MAP1A: variants seen among roughly 807,000 people sequenced by gnomAD.
The protein encoded by MAP1A is microtubule associated protein 1A.
In MAP1A, 42 loss-of-function variants were observed where a neutral mutation model predicts 185.9. The observed-to-expected ratio is 0.23, with a 90% confidence interval of 0.18 to 0.29. The LOEUF (loss-of-function observed/expected upper bound fraction) is 0.29. MAP1A is among the 10% of genes least tolerant of loss of function. The pLI is 1.00. For missense variants in MAP1A, 2,995 were observed against 3,450.4 expected (o/e 0.87, Z 3.31); for synonymous variants, 1,229 against 1,335.9 (o/e 0.92, Z 1.74).
chr15:43,524,296 A>C lies in MAP1A; in HGVS notation c.2823A>C (p.Glu941Asp). 1 of 1,614,230 alleles carries C rather than the reference A, an allele frequency of 6.2e-7. No individual in the cohort carries two copies. The highest frequency in any genetic ancestry group is 8.5e-7 in the Non-Finnish European group (1 of 1,180,034). ...CTGGAGAGAGAGCTGTGGAAGAGGA[A>C]GAGGAGGAGACAGCAAACGTAGAGA... ...GLSGERAVEE[E>D]EEETANVEMS... The change falls in exon 4 of 6, where the codon GAA (glutamate) becomes GAC (aspartate). Residue 941 changes from glutamate to aspartate, a missense_variant. Transcript: ENST00000300231.
chr15:43,520,584 C>T (rs2079315253), intron 1 of MAP1A, 57 bp from the exon 2 acceptor site: 2 of 1,149,980 alleles, frequency 1.7e-6, no homozygotes, highest in Non-Finnish European at 2.5e-6. Context: ...TCTTTCCTCT[C>T]CTGCACCACA....
At chr15:43,517,137 C>T (rs1394817668), upstream of MAP1A, among the ~76,000 whole-genome samples, 1 of 152,134 alleles carries the variant, frequency 6.6e-6, no homozygotes, top group Non-Finnish European at 1.5e-5. Flanking sequence ...TCTGCATCCC[C>T]AACCTTTGTC....
chr15:43,520,531 G>A, intron 1 of MAP1A, 110 bp from the exon 2 acceptor site: 1 of 760,338 alleles, frequency 1.3e-6, no homozygotes, highest in Non-Finnish European at 2.2e-6. Context: ...AGGGCCTAAG[G>A]ATACCTTCTC....
rs1018856608 is a variant in MAP1A at position 43,511,214 on chromosome 15, C to T, written c.226C>T (p.His76Tyr). The stretch of plus-strand genomic sequence containing the variant: ...GAGTCAGCTGAGGGCCGTGCGGGCC[C>T]ACCTTGAACAAGGTGAGCCACTGTT... Residue 76 changes from histidine to tyrosine, a missense_variant, in exon 1 of 7, where the codon CAC (histidine) becomes TAC (tyrosine). By Grantham distance (83) the His-to-Tyr change is moderately conservative (BLOSUM62 2). Coordinates refer to the MAP1A transcript ENST00000382031. 3.9e-6 allele frequency: 6 copies of T among 1,550,320 alleles called. No homozygotes were observed. In the East Asian group the frequency reaches 7.3e-5, roughly 19 times the overall value.
At position 43,522,325 on chromosome 15, in the gene MAP1A, G is replaced by T. The variant is rs1232131713; in HGVS notation, c.852G>T (p.Arg284=). 1 of 1,614,032 alleles carries T rather than the reference G, an allele frequency of 6.2e-7. No homozygotes were observed. The highest frequency in any genetic ancestry group is 8.5e-7 in the Non-Finnish European group (1 of 1,180,044). ...NKILEGLEKL[R]HLDFLRYPVA... ...TCTTGGAGGGCCTAGAAAAGCTTCG[G>T]CATCTGGACTTCCTGCGTTACCCTG... The change falls in exon 4 of 6, where the codon CGG becomes CGT. Residue 284 remains arginine (R), a synonymous_variant. Transcript: ENST00000300231. The surrounding 1 kb of genome is among the most constrained non-coding windows in gnomAD (Gnocchi z 5.9).
chr15:43,524,498 C>T lies in MAP1A; in HGVS notation c.3025C>T (p.Pro1009Ser). 1 of 1,614,176 alleles carries T rather than the reference C, an allele frequency of 6.2e-7. No homozygotes were observed. Among genetic ancestry groups the T allele is most frequent in the Non-Finnish European group, 8.5e-7 (1 of 1,180,034 alleles). ...TGGCCCACCCAGTGCCACCCACACA[C>T]CCTTTCATCAGTCCCCAGTGGAAGA... is the stretch of plus-strand genomic sequence containing the variant. ...PSGPPSATHT[P>S]FHQSPVEEKS... The change falls in exon 4 of 6, where the codon CCC becomes TCC. Residue 1009 changes from proline (P) to serine (S), a missense_variant. Pro to Ser is a moderately conservative substitution (Grantham distance 74). Coordinates refer to ENST00000300231, the MANE Select transcript of MAP1A (RefSeq NM_002373.6).
Position 43,530,775 on chromosome 15 carries a change from G to A in MAP1A, c.*551G>A, listed in dbSNP as rs2079368695. Reference sequence around the variant, plus strand: ...AGCAGGGTCCTGGGGGTATCCCACTGCTATACTGTTCTACTGCTTCCCTCA... The same window carrying A: ...AGCAGGGTCCTGGGGGTATCCCACTACTATACTGTTCTACTGCTTCCCTCA... On this transcript the variant is annotated 3_prime_UTR_variant, in exon 6 of 6. Transcript: ENST00000300231. 1 of 161,724 alleles carries A rather than the reference G, an allele frequency of 6.2e-6. No individual in the cohort carries two copies. The highest frequency in any genetic ancestry group is 1.4e-5 in the Non-Finnish European group (1 of 72,806). 10.0% of individuals were successfully genotyped at this position (161,724 alleles called of 1,614,324 possible).
chr15:43,526,452 C>G lies in MAP1A; in HGVS notation c.4979C>G (p.Pro1660Arg). 6.2e-7 allele frequency: 1 copy of G among 1,614,120 alleles called. No homozygotes were observed. Among genetic ancestry groups the G allele is most frequent in the Non-Finnish European group, 8.5e-7 (1 of 1,180,004 alleles). ...WQETSPTREE[P>R]AGEQKELAPA... ...GAAACATCTCCTACCAGAGAGGAGC[C>G]GGCTGGAGAACAGAAAGAGCTTGCC... is the stretch of plus-strand genomic sequence containing the variant. The change falls in exon 4 of 6, where the codon CCG becomes CGG. Residue 1660 changes from proline (P) to arginine (R), a missense_variant. By Grantham distance (103) the Pro-to-Arg change is moderately radical. This residue lies in a region of MAP1A where 2,728 missense variants were observed against 2,986.0 expected (regional missense o/e 0.91). Coordinates refer to ENST00000300231, the MANE Select transcript of MAP1A (RefSeq NM_002373.6). The surrounding 1 kb of genome is among the most constrained non-coding windows in gnomAD (Gnocchi z 4.7).
At position 43,521,128 on chromosome 15, in the gene MAP1A, G is replaced by T. The variant is rs2079317621; in HGVS notation, c.-151+16G>T. Reference sequence around the variant, plus strand: ...CAACCCCGAGGTAAGTTCCATGCCAGAGTGTCTGGGAGAAAGGGTAGCACT... The same window carrying T: ...CAACCCCGAGGTAAGTTCCATGCCATAGTGTCTGGGAGAAAGGGTAGCACT... On this transcript the variant is annotated intron_variant, in intron 3 of 5. Coordinates refer to ENST00000300231, the MANE Select transcript of MAP1A (RefSeq NM_002373.6). This position sits in a 1 kb window ranked among gnomAD's most constrained non-coding sequence, Gnocchi z 4.6. 1 of 1,540,462 alleles carries T rather than the reference G, an allele frequency of 6.5e-7. No homozygotes were observed. Among genetic ancestry groups the T allele is most frequent in the East Asian group, 2.4e-5 (1 of 40,888 alleles).
chr15:43,521,229 C>T lies in MAP1A; in HGVS notation c.-150-95C>T. 1 of 1,475,556 alleles carries T rather than the reference C, an allele frequency of 6.8e-7. No homozygotes were observed. Among genetic ancestry groups the T allele is most frequent in the Non-Finnish European group, 9.0e-7 (1 of 1,117,254 alleles). The allele number at this position is 1,475,556 out of a possible 1,614,324, so 91.4% of individuals were successfully genotyped here. On this transcript the variant is annotated intron_variant, in intron 3 of 5. Coordinates refer to ENST00000300231, the MANE Select transcript of MAP1A (RefSeq NM_002373.6). The surrounding 1 kb of genome is among the most constrained non-coding windows in gnomAD (Gnocchi z 4.6). ...GGGCCCTGGCAGAAAGGTAAGAGTC[C>T]ACCTTGGAAAGAGGTGAAGATTAGG...
chr15:43,524,400 C>A lies in MAP1A; in HGVS notation c.2927C>A (p.Ala976Asp). 6.2e-7 allele frequency: 1 copy of A among 1,614,200 alleles called. No individual in the cohort carries two copies. ...CATGCCCTACATCCAGGAGAACCAG[C>A]CCTTGGAGAAGCAGAGGAGCGGTGC... ...PGHALHPGEPALGEAEERCLS... is the reference protein window; with the variant it reads ...PGHALHPGEPDLGEAEERCLS... The change falls in exon 4 of 6, where the codon GCC (alanine) becomes GAC (aspartate). Residue 976 changes from alanine (A) to aspartate (D), a missense_variant. Physicochemically the swap from Ala to Asp is moderately radical, Grantham distance 126 (BLOSUM62 -2). Coordinates refer to ENST00000300231, the MANE Select transcript of MAP1A (RefSeq NM_002373.6).
rs1390465647 is a variant in MAP1A at position 43,527,587 on chromosome 15, G to A, written c.6114G>A (p.Leu2038=). The part of the protein sequence containing the change: ...SDTPTFSYAA[L]AGPTVPPRPE... ...CTCCAACCTTCAGCTATGCAGCCCT[G>A]GCAGGACCCACTGTACCCCCAAGGC... The change falls in exon 4 of 6, where the codon CTG becomes CTA. Residue 2038 remains leucine, a synonymous_variant. Coordinates refer to ENST00000300231, the MANE Select transcript of MAP1A (RefSeq NM_002373.6). 8.7e-6 allele frequency: 14 copies of A among 1,613,992 alleles called. No homozygotes were observed. Among genetic ancestry groups the A allele is most frequent in the Non-Finnish European group, 1.1e-5 (13 of 1,180,022 alleles).
Position 43,522,946 on chromosome 15 carries a change from T to G in MAP1A, c.1473T>G (p.Ala491=). The G allele has an allele frequency of 6.2e-7, 1 of 1,614,140 alleles. No homozygotes were observed. Among genetic ancestry groups the G allele is most frequent in the Non-Finnish European group, 8.5e-7 (1 of 1,179,988 alleles). The change falls in exon 4 of 6, where the codon GCT becomes GCG. Residue 491 remains alanine (A), a synonymous_variant. Coordinates refer to ENST00000300231, the MANE Select transcript of MAP1A (RefSeq NM_002373.6). The surrounding 1 kb of genome is among the most constrained non-coding windows in gnomAD (Gnocchi z 5.9). ...PGRVKIDRSR[A]IRGEKELSSE... is the part of the protein sequence containing the mutation. ...GAGTCAAAATAGACAGGAGCCGTGC[T>G]ATCCGTGGGGAGAAGGAGCTGTCTT...
At position 43,529,559 on chromosome 15, in the gene MAP1A, G is replaced by A; in HGVS notation, c.8035+51G>A. 1.2e-6 allele frequency: 2 copies of A among 1,604,244 alleles called. No homozygotes were observed. Among genetic ancestry groups the A allele is most frequent in the Non-Finnish European group, 8.5e-7 (1 of 1,172,910 alleles). On this transcript the variant is annotated intron_variant, in intron 4 of 5. Coordinates refer to ENST00000300231, the MANE Select transcript of MAP1A (RefSeq NM_002373.6). The surrounding 1 kb of genome is among the most constrained non-coding windows in gnomAD (Gnocchi z 4.3). ...AGAGTGTGGGTTAGGGCTGGGTGTG[G>A]GCTGGTCAGACTTCAGGAGTGGGAC...
chr15:43,528,840 C>A lies in MAP1A; in HGVS notation c.7367C>A (p.Pro2456His). 6.2e-7 allele frequency: 1 copy of A among 1,613,526 alleles called. No homozygotes were observed. Among genetic ancestry groups the A allele is most frequent in the East Asian group, 2.2e-5 (1 of 44,860 alleles). The change falls in exon 4 of 6, where the codon CCT (proline) becomes CAT (histidine). Residue 2456 changes from proline (P) to histidine (H), a missense_variant. By Grantham distance (77) the Pro-to-His change is moderately conservative (BLOSUM62 -2). Coordinates refer to ENST00000300231, the MANE Select transcript of MAP1A (RefSeq NM_002373.6). ...CTCTCCCCATCCTTCCTGAACCCAC[C>A]TCTGCCCCCATCCATAGATGATAGG... ...GELSPSFLNP[P>H]LPPSIDDRDL...
Position 43,528,573 on chromosome 15 carries a change from C to T in MAP1A, c.7100C>T (p.Pro2367Leu). The change falls in exon 4 of 6, where the codon CCT becomes CTT. Residue 2367 changes from proline to leucine, a missense_variant. By Grantham distance (98) the Pro-to-Leu change is moderately conservative. Around this residue, in one of 3 missense-constraint regions of MAP1A, gnomAD observed 2,728 missense variants for 2,986.0 expected, o/e 0.91. Transcript: ENST00000300231. ...CAANGPTETSPNPPGPAPAKA... is the reference protein window; with the variant it reads ...CAANGPTETSLNPPGPAPAKA... ...GCCAATGGCCCAACTGAAACCAGCC[C>T]TAACCCCCCAGGCCCTGCCCCAGCC... 1 of 1,613,872 alleles carries T rather than the reference C, an allele frequency of 6.2e-7. No individual in the cohort carries two copies. Among genetic ancestry groups the T allele is most frequent in the Non-Finnish European group, 8.5e-7 (1 of 1,180,004 alleles).
Position 43,521,038 on chromosome 15 carries a change from C to T in MAP1A, c.-225C>T, listed in dbSNP as rs1330655907. On this transcript the variant is annotated 5_prime_UTR_variant, in exon 3 of 6. Transcript: ENST00000300231. This position sits in a 1 kb window ranked among gnomAD's most constrained non-coding sequence, Gnocchi z 4.6. ...AATCTTGAGTGGGCAAAGTTTAGAGCCTGGGGGAGACCTCATCCTACAGAG... is the reference window on the plus strand; with the variant it reads ...AATCTTGAGTGGGCAAAGTTTAGAGTCTGGGGGAGACCTCATCCTACAGAG... 1.3e-6 allele frequency: 2 copies of T among 1,550,148 alleles called. No homozygotes were observed. The highest frequency in any genetic ancestry group is 1.7e-6 in the Non-Finnish European group (2 of 1,146,716).
Position 43,528,813 on chromosome 15 carries a change from A to C in MAP1A, c.7340A>C (p.Glu2447Ala). The C allele has an allele frequency of 6.2e-7, 1 of 1,613,284 alleles. No individual in the cohort carries two copies. Among genetic ancestry groups the C allele is most frequent in the Non-Finnish European group, 8.5e-7 (1 of 1,179,900 alleles). ...ACTGAGCCTCGGCCCCATCGTGGGG[A>C]GCTCTCCCCATCCTTCCTGAACCCA... is the stretch of plus-strand genomic sequence containing the variant. ...CATEPRPHRG[E>A]LSPSFLNPPL... is the part of the protein sequence containing the mutation. The change falls in exon 4 of 6, where the codon GAG (glutamate) becomes GCG (alanine). Residue 2447 changes from glutamate (E) to alanine (A), a missense_variant. By Grantham distance (107) the Glu-to-Ala change is moderately radical. Around this residue, in one of 3 missense-constraint regions of MAP1A, gnomAD observed 2,728 missense variants for 2,986.0 expected, o/e 0.91. Transcript: ENST00000300231.
upstream of MAP1A, among the ~76,000 whole-genome samples, chr15:43,512,671 A>G (rs931754611): frequency 1.1e-4 from 17 of 152,168 alleles, no homozygotes; most frequent in African/African-American, 4.1e-4. Context: ...CAGACACCCC[A>G]GAATCCCCCA....
Sources: allele counts gnomAD v4.1 joint callset (sites outside exome capture counted in the v4.1 genomes callset), GRCh38; gene constraint gnomAD v4.1.1; regional missense constraint gnomAD v4.1.1; non-coding constraint Gnocchi (gnomAD v3.1); transcripts MANE v1.5; gene names NCBI Gene and HGNC (gene_info 2026-07-23, HGNC 2026-07-21).